The following TRPA1 variants were observed in gnomAD, a reference collection of about 807,000 sequenced individuals.
TRPA1 encodes the protein ankyrin-like with transmembrane domains 1.
TRPA1 carries 129 observed loss-of-function variants against 131.3 expected under a neutral mutation model. The observed-to-expected ratio is 0.98, with a 90% CI of 0.85 to 1.14. The LOEUF is 1.14. Ranked by LOEUF, TRPA1 falls within the 50% of genes most tolerant of loss-of-function variation. The pLI is 0.00. For synonymous variants in TRPA1, 441 were observed against 451.7 expected, an observed-to-expected ratio of 0.98 and a Z score of 0.30; for missense variants, 1,304 against 1,354.2, an observed-to-expected ratio of 0.96 and a Z score of 0.58.
At position 72,069,155 on chromosome 8, in the gene TRPA1, A is replaced by G. The variant is rs1169641118; in HGVS notation, c.312T>C (p.Cys104=). The change falls in exon 3 of 27, where the codon TGT becomes TGC. Residue 104 remains cysteine, a synonymous_variant. Transcript: ENST00000262209. ...MDDYGNTPLH[C]AVEKNQIESV... ...TTTCAATTTGGTTTTTTTCTACAGC[A>G]CAATGCAGAGGGGTATTTCCATAAT... 1 of 1,614,226 alleles carries G rather than the reference A, an allele frequency of 6.2e-7. No individual in the cohort carries two copies. The highest frequency in any genetic ancestry group is 8.5e-7 in the Non-Finnish European group (1 of 1,180,030).
intron 17 of TRPA1, among the ~76,000 whole-genome samples, chr8:72,045,095 G>A (rs1812383284): frequency 6.6e-6 from 1 of 151,932 alleles, no homozygotes; most frequent in Admixed American, 6.6e-5. Context: ...TGTAGTTACT[G>A]TTAGATCACT....
chr8:72,075,282 G>A lies in TRPA1; in HGVS notation c.111+17C>T, dbSNP rs201980871. ...CGCACGTCGGAACCCCTCCAGACCC[G>A]CGAGCCCCCAGAGTACCTTAAGCGA... On this transcript the variant is annotated intron_variant, in intron 1 of 26. Coordinates refer to ENST00000262209, the MANE Select transcript of TRPA1 (RefSeq NM_007332.3). 156 of 1,602,396 alleles carry A rather than the reference G, an allele frequency of 9.7e-5. No individual in the cohort carries two copies. In the East Asian group the frequency reaches 3.5e-3, roughly 36 times the overall value.
chr8:72,029,522 G>A (rs1393945786), intron 24 of TRPA1, among the ~76,000 whole-genome samples: 1 of 152,172 alleles, frequency 6.6e-6, no homozygotes. Flanking sequence ...CGATAATGGT[G>A]TTAATTCCAG....
chr8:72,075,859 A>AGTGTGT (rs61575164), upstream of TRPA1, among the ~76,000 whole-genome samples: 5,362 of 134,900 alleles, frequency 0.04, 120 homozygotes, highest in Non-Finnish European at 0.047. Flanking sequence ...CTTGCATGTG[A>AGTGTGT]GTGTGTGTGT....
At chr8:72,057,915 C>A in intron 8 of TRPA1, 99 bp from the exon 9 acceptor site, 1 of 896,938 alleles carries the variant, frequency 1.1e-6, no homozygotes. Flanking sequence ...TACAGAGTGT[C>A]TATATTATGG....
At chr8:72,057,404 C>T (rs1805696195) in intron 9 of TRPA1, among the ~76,000 whole-genome samples, 1 of 152,212 alleles carries the variant, frequency 6.6e-6, no homozygotes, top group Non-Finnish European at 1.5e-5. Flanking sequence ...ATAGTACCTA[C>T]ACCACACAGG....
the TRPA1 span, among the ~76,000 whole-genome samples, chr8:72,088,022 A>G: frequency 6.6e-6 from 1 of 152,198 alleles, no homozygotes. Flanking sequence ...GCCTTAGCCT[A>G]TGGGCAGACA....
intron 17 of TRPA1, among the ~76,000 whole-genome samples, chr8:72,045,055 A>G (rs1812381786): frequency 6.6e-6 from 1 of 152,038 alleles, no homozygotes; most frequent in South Asian, 2.1e-4. Context: ...ACACATACAT[A>G]TGCAACAAAT....
At chr8:72,042,000 G>A (rs917158314) in intron 17 of TRPA1, among the ~76,000 whole-genome samples, 11 of 151,656 alleles carry the variant, frequency 7.3e-5, no homozygotes, top group Admixed American at 1.3e-4. Flanking sequence ...ATGATTTATC[G>A]ACTATGACAC....
chr8:72,077,960 T>C (rs2129437302), upstream of TRPA1, among the ~76,000 whole-genome samples: 1 of 152,066 alleles, frequency 6.6e-6, no homozygotes, highest in South Asian at 2.1e-4. Flanking sequence ...ATTATCAAAT[T>C]ACAATTTGAC....
chr8:72,076,936 T>C (rs191412176), upstream of TRPA1, among the ~76,000 whole-genome samples: 76 of 152,144 alleles, frequency 5.0e-4, no homozygotes, highest in East Asian at 2.3e-3. Flanking sequence ...TTGCTATGAT[T>C]TAGTTGAAGG....
At chr8:72,044,327 A>G (rs1049483401) in intron 17 of TRPA1, among the ~76,000 whole-genome samples, 2 of 151,966 alleles carry the variant, frequency 1.3e-5, no homozygotes, top group African/African-American at 4.8e-5. Flanking sequence ...AATAAAAAAT[A>G]TGGAAAAATA....
chr8:72,063,306 G>A (rs1427802903), intron 5 of TRPA1, among the ~76,000 whole-genome samples, 157 bp downstream of exon 5: 3 of 152,024 alleles, frequency 2.0e-5, no homozygotes, highest in African/African-American at 7.2e-5. Flanking sequence ...CTTGAACCTG[G>A]AAGGCTGAAG....
intron 3 of TRPA1, 62 bp downstream of exon 3, chr8:72,068,961 G>A (rs1230834675): frequency 1.3e-6 from 2 of 1,571,084 alleles, no homozygotes; most frequent in Non-Finnish European, 1.8e-6. Context: ...AGAGAGAGCT[G>A]GATCTGGGTC....
chr8:72,064,548 T>C (rs1805884670), intron 4 of TRPA1, among the ~76,000 whole-genome samples: 1 of 152,110 alleles, frequency 6.6e-6, no homozygotes, highest in East Asian at 1.9e-4. Context: ...TATCATTTAT[T>C]CTCTTTGTGG....
chr8:72,079,283 C>A (rs1262264143), upstream of TRPA1, among the ~76,000 whole-genome samples: 4 of 151,756 alleles, frequency 2.6e-5, no homozygotes, highest in Non-Finnish European at 5.9e-5. Context: ...GTTTTGGGTG[C>A]CATAGAAACT....
chr8:72,038,089 TAA>T lies in TRPA1; in HGVS notation c.2296-19_2296-18del, dbSNP rs1322840348. The T allele has an allele frequency of 8.1e-7, 1 of 1,239,912 alleles. No individual in the cohort carries two copies. The highest frequency in any genetic ancestry group is 1.2e-6 in the Non-Finnish European group (1 of 847,366). The allele number at this position is 1,239,912 out of a possible 1,614,324, so 76.8% of individuals were successfully genotyped here. On this transcript the variant is annotated intron_variant, in intron 19 of 26. Transcript: ENST00000262209. ...ATATGAATTCTAAAACAAAAAAGGA[TAA>T]GACACATAGTTATGAGAGATATAAA...
At chr8:72,025,372 G>A (rs190012080) in intron 25 of TRPA1, among the ~76,000 whole-genome samples, 2 of 152,158 alleles carry the variant, frequency 1.3e-5, no homozygotes, top group East Asian at 3.9e-4. Flanking sequence ...AAGGTGCCTT[G>A]CTTCCCCTTC....
At chr8:72,037,921 T>C in intron 20 of TRPA1, 62 bp downstream of exon 20, 1 of 977,250 alleles carries the variant, frequency 1.0e-6, no homozygotes, top group South Asian at 1.3e-5. Flanking sequence ...AGCTTATCAA[T>C]TAACTTATGT....
Sources: allele counts gnomAD v4.1 joint callset (sites outside exome capture counted in the v4.1 genomes callset), GRCh38; gene constraint gnomAD v4.1.1; transcripts MANE v1.5; gene names NCBI Gene and HGNC (gene_info 2026-07-23, HGNC 2026-07-21).